The following DNAAF11 variants were observed in gnomAD, a reference collection of about 807,000 sequenced individuals.
DNAAF11 encodes the protein leucine rich repeat containing 6.
Under a neutral mutation model 60.8 loss-of-function variants are expected in DNAAF11, and 45 were observed. That is an observed-to-expected ratio of 0.74 (90% CI 0.58 to 0.95). The LOEUF is 0.95. Among genes scored for constraint, DNAAF11 ranks in the 40% least tolerant of loss-of-function variants. The pLI is 0.00. For missense variants in DNAAF11, 546 were observed against 546.2 expected (o/e 1.00, Z 0.00); for synonymous variants, 191 against 183.5 (o/e 1.04, Z -0.33).
Position 132,638,007 on chromosome 8 carries a change from A to C in DNAAF11, c.357T>G (p.Phe119Leu). Residue 119 changes from phenylalanine (F) to leucine (L), a missense_variant, in exon 4 of 12, where the codon TTT (phenylalanine) becomes TTG (leucine). Phe to Leu is a conservative substitution (Grantham distance 22, BLOSUM62 0). Coordinates refer to ENST00000620350, the MANE Select transcript of DNAAF11 (RefSeq NM_012472.6). ...AGGAAGCACATGGGTTCCCCATGAG[A>C]AAGAGCTCCTTCAGATGGATATTGT... is the stretch of plus-strand genomic sequence containing the variant. ...LQHNIHLKEL[F>L]LMGNPCASFD... 6.2e-7 allele frequency: 1 copy of C among 1,614,130 alleles called. No individual in the cohort carries two copies. Among genetic ancestry groups the C allele is most frequent in the Non-Finnish European group, 8.5e-7 (1 of 1,179,966 alleles).
At chr8:132,633,357 T>C (rs2130466950) in intron 4 of DNAAF11, among the ~76,000 whole-genome samples, 1 of 152,304 alleles carries the variant, frequency 6.6e-6, no homozygotes, top group African/African-American at 2.4e-5. Context: ...TACACATGAT[T>C]GGGCTCTAAT....
chr8:132,630,545 A>G (rs1351223242), intron 5 of DNAAF11, among the ~76,000 whole-genome samples: 2 of 152,244 alleles, frequency 1.3e-5, no homozygotes, highest in Non-Finnish European at 2.9e-5. Context: ...AACTACATTA[A>G]TATTTTTAAA....
chr8:132,625,210 A>G, intron 6 of DNAAF11, 62 bp downstream of exon 6: 13 of 1,271,094 alleles, frequency 1.0e-5, no homozygotes, highest in Non-Finnish European at 1.4e-5. Context: ...AAAAATGGGC[A>G]ATCATAAAAA....
the DNAAF11 span, among the ~76,000 whole-genome samples, chr8:132,698,605 T>C: frequency 2.0e-5 from 3 of 152,170 alleles, no homozygotes; most frequent in Non-Finnish European, 2.9e-5. Context: ...TGAAGCTCTC[T>C]TTCTCTGCAC....
At chr8:132,702,588 G>T in the DNAAF11 span, among the ~76,000 whole-genome samples, 3 of 151,902 alleles carry the variant, frequency 2.0e-5, no homozygotes, top group Non-Finnish European at 4.4e-5. Flanking sequence ...CAATAATAAT[G>T]ATAATAATAA....
intron 3 of DNAAF11, among the ~76,000 whole-genome samples, chr8:132,644,962 TC>T (rs1822228274): frequency 6.6e-6 from 1 of 152,204 alleles, no homozygotes; most frequent in Admixed American, 6.5e-5. Context: ...AACGTCCCTG[TC>T]TGACAGCTTT....
intron 1 of DNAAF11, among the ~76,000 whole-genome samples, chr8:132,666,371 A>G (rs1003018023): frequency 1.1e-4 from 16 of 152,238 alleles, no homozygotes; most frequent in East Asian, 1.9e-4. Context: ...ACTATACAGT[A>G]TATGTATTGA....
chr8:132,665,245 G>A lies in DNAAF11; in HGVS notation c.11-3618C>T, dbSNP rs575436266. 1.3e-3 allele frequency among the ~76,000 whole-genome samples: 203 copies of A among 152,070 alleles called. 2 individuals carry two copies. The highest frequency in any genetic ancestry group is 4.2e-4 in the South Asian group (2 of 4,788). On this transcript the variant is annotated intron_variant, in intron 1 of 11. Transcript: ENST00000620350. ...CATCAGAACAAAAACCAGAGCCCCC[G>A]AGAAGAAATGTGTAAAGATATCTTC...
chr8:132,607,998 G>C (rs907472129), intron 10 of DNAAF11, among the ~76,000 whole-genome samples: 1 of 151,906 alleles, frequency 6.6e-6, no homozygotes, highest in Admixed American at 6.6e-5. Flanking sequence ...TAGCTCCATG[G>C]GTTAAACTTT....
chr8:132,659,639 A>G (rs1396288515), intron 2 of DNAAF11, among the ~76,000 whole-genome samples: 1 of 152,236 alleles, frequency 6.6e-6, no homozygotes, highest in Non-Finnish European at 1.5e-5. Flanking sequence ...GTCAAGTTAA[A>G]GATGCCAAAA....
At chr8:132,674,970 A>C (rs1184345005) in intron 1 of DNAAF11, among the ~76,000 whole-genome samples, 1 of 152,220 alleles carries the variant, frequency 6.6e-6, no homozygotes, top group African/African-American at 2.4e-5. Context: ...GAGATGAAGA[A>C]GCTGAGGCCC....
At chr8:132,602,593 A>G (rs1327023547) in intron 10 of DNAAF11, among the ~76,000 whole-genome samples, 1 of 152,054 alleles carries the variant, frequency 6.6e-6, no homozygotes, top group African/African-American at 2.4e-5. Context: ...TAATGCCCAC[A>G]GCAACTGTGG....
the DNAAF11 span, among the ~76,000 whole-genome samples, chr8:132,694,860 A>G: frequency 6.6e-6 from 1 of 152,176 alleles, no homozygotes; most frequent in Non-Finnish European, 1.5e-5. Flanking sequence ...GGATGGCACC[A>G]CTCTAGAAGT....
chr8:132,683,814 G>A, the DNAAF11 span, among the ~76,000 whole-genome samples: 1 of 138,512 alleles, frequency 7.2e-6, no homozygotes, highest in South Asian at 2.2e-4. Flanking sequence ...GTTTTCTGCT[G>A]GAGAAGCTCA....
chr8:132,576,540 T>C (rs1814767793), intron 11 of DNAAF11, among the ~76,000 whole-genome samples: 1 of 152,236 alleles, frequency 6.6e-6, no homozygotes, highest in South Asian at 2.1e-4. Context: ...CTGAAAGGGA[T>C]GTGTTGTTGT....
chr8:132,641,612 T>A (rs1821863056), intron 3 of DNAAF11, among the ~76,000 whole-genome samples: 1 of 152,050 alleles, frequency 6.6e-6, no homozygotes, highest in Admixed American at 6.6e-5. Flanking sequence ...AGCAGATAAG[T>A]CAACAGGTAG....
the DNAAF11 span, among the ~76,000 whole-genome samples, chr8:132,697,148 G>A: frequency 9.9e-5 from 15 of 152,194 alleles, no homozygotes; most frequent in African/African-American, 3.6e-4. Flanking sequence ...TAGATTAGTG[G>A]TTAGTAGCCT....
Position 132,625,264 on chromosome 8 carries a change from T to C in DNAAF11, c.836+8A>G. ...ACTGCTTCCCTCTCCTAGGAAAGAA[T>C]GAAATACCTTAATTTTTCCTGTTTC... On this transcript the variant is annotated splice_region_variant and intron_variant, in intron 6 of 11. Coordinates refer to ENST00000620350, the MANE Select transcript of DNAAF11 (RefSeq NM_012472.6). 1 of 1,590,870 alleles carries C rather than the reference T, an allele frequency of 6.3e-7. No homozygotes were observed. The highest frequency in any genetic ancestry group is 8.6e-7 in the Non-Finnish European group (1 of 1,168,962).
At chr8:132,698,942 A>ATATTTTGTGTGTGTG in the DNAAF11 span, among the ~76,000 whole-genome samples, 367 of 75,418 alleles carry the variant, frequency 4.9e-3, 1 homozygote, top group East Asian at 9.6e-3. Context: ...GTATACATAT[A>ATATTTTGTGTGTGTG]TATATATATA....
Sources: allele counts gnomAD v4.1 joint callset (sites outside exome capture counted in the v4.1 genomes callset), GRCh38; gene constraint gnomAD v4.1.1; transcripts MANE v1.5; gene names NCBI Gene and HGNC (gene_info 2026-07-23, HGNC 2026-07-21).